TEK: variants seen among roughly 807,000 people sequenced by gnomAD.
TEK encodes TEK receptor tyrosine kinase.
In TEK, 43 loss-of-function variants were observed where a neutral mutation model predicts 131.8. That is an observed-to-expected ratio of 0.33 (90% CI 0.26 to 0.42). The LOEUF (loss-of-function observed/expected upper bound fraction) is 0.42, where lower values mean the gene tolerates loss of function less well. TEK is among the 10% of genes least tolerant of loss of function. The pLI is 1.00. For synonymous variants in TEK, 580 were observed against 491.6 expected (o/e 1.18, Z -2.38); for missense variants, 1,162 against 1,384.4 (o/e 0.84, Z 2.55).
chr9:27,121,864 A>G (rs987805011), intron 1 of TEK, among the ~76,000 whole-genome samples: 6 of 152,232 alleles, frequency 3.9e-5, no homozygotes, highest in African/African-American at 1.2e-4. Flanking sequence ...ATGTGTATCC[A>G]AAGAAATAAC....
chr9:27,158,874 C>A (rs536077094), intron 2 of TEK, among the ~76,000 whole-genome samples: 8 of 152,152 alleles, frequency 5.3e-5, no homozygotes, highest in African/African-American at 1.7e-4. Context: ...TTGGCCAGGA[C>A]GATCTTGATC....
At chr9:27,167,429 T>C (rs879541217) in intron 2 of TEK, among the ~76,000 whole-genome samples, 9 of 152,238 alleles carry the variant, frequency 5.9e-5, no homozygotes, top group East Asian at 1.9e-4. Context: ...GGTTTTGCCA[T>C]GTTGGCCAGG....
chr9:27,117,632 T>C (rs1821622120), intron 1 of TEK, among the ~76,000 whole-genome samples: 2 of 152,158 alleles, frequency 1.3e-5, no homozygotes, highest in Non-Finnish European at 2.9e-5. Context: ...TTAGAGGAAG[T>C]ACATACCCAT....
chr9:27,145,338 T>C (rs1321348417), intron 1 of TEK, among the ~76,000 whole-genome samples: 2 of 152,150 alleles, frequency 1.3e-5, no homozygotes, highest in African/African-American at 4.8e-5. Flanking sequence ...TTCCTGCCCA[T>C]GTGGGTTTGA....
chr9:27,126,930 C>T (rs552824417), intron 1 of TEK, among the ~76,000 whole-genome samples: 3 of 152,314 alleles, frequency 2.0e-5, no homozygotes, highest in Admixed American at 2.0e-4. Flanking sequence ...GATGCCAAAA[C>T]AACATAAAAC....
Position 27,229,294 on chromosome 9 carries a change from C to T in TEK, c.*62C>T, listed in dbSNP as rs1354547747. 2 of 1,513,130 alleles carry T rather than the reference C, an allele frequency of 1.3e-6. No homozygotes were observed. Among genetic ancestry groups the T allele is most frequent in the African/African-American group, 2.7e-5 (2 of 72,876 alleles). The allele number at this position is 1,513,130 out of a possible 1,614,324, so 93.7% of individuals were successfully genotyped here. A position where few individuals can be genotyped will look rare whatever the true frequency, so the allele number is the denominator to read the frequency against. ...TGGCATGGGAGACCCTTGACACCTG[C>T]TGAGAAAACATGCCTCTGCCAAAGG... is the stretch of plus-strand genomic sequence containing the variant. On this transcript the variant is annotated 3_prime_UTR_variant, in exon 23 of 23. Transcript: ENST00000380036.
chr9:27,110,724 G>C (rs1821307472), intron 1 of TEK, among the ~76,000 whole-genome samples: 1 of 152,098 alleles, frequency 6.6e-6, no homozygotes, highest in Admixed American at 6.5e-5. Flanking sequence ...TAACTGAGTT[G>C]AATACAGTTT....
intron 1 of TEK, among the ~76,000 whole-genome samples, chr9:27,122,150 G>T (rs1821818491): frequency 6.6e-6 from 1 of 152,168 alleles, no homozygotes; most frequent in South Asian, 2.1e-4. Flanking sequence ...AGCATCTACT[G>T]AACCCTTTTT....
At chr9:27,146,959 G>T (rs1276943287) in intron 1 of TEK, among the ~76,000 whole-genome samples, 1 of 152,060 alleles carries the variant, frequency 6.6e-6, no homozygotes, top group Admixed American at 6.5e-5. Flanking sequence ...TTGATCTCCT[G>T]ACCTTGTGAT....
At chr9:27,151,559 A>C (rs1678833979) in intron 1 of TEK, among the ~76,000 whole-genome samples, 1 of 152,318 alleles carries the variant, frequency 6.6e-6, no homozygotes, top group South Asian at 2.1e-4. Flanking sequence ...CTAAAAGTCC[A>C]CAAACCCTCC....
chr9:27,170,189 A>G (rs924877840), intron 4 of TEK, among the ~76,000 whole-genome samples: 11 of 152,316 alleles, frequency 7.2e-5, no homozygotes, highest in African/African-American at 2.6e-4. Flanking sequence ...CATGAGGGCA[A>G]CTGCCTCCAT....
intron 21 of TEK, among the ~76,000 whole-genome samples, chr9:27,225,837 T>C (rs978623470): frequency 1.3e-5 from 2 of 152,108 alleles, no homozygotes; most frequent in Admixed American, 6.5e-5. Flanking sequence ...CAATCTATCC[T>C]TCTGACAAAG....
chr9:27,132,253 A>G (rs994896262), intron 1 of TEK, among the ~76,000 whole-genome samples: 6 of 151,712 alleles, frequency 4.0e-5, no homozygotes, highest in African/African-American at 7.3e-5. Flanking sequence ...ACACCTGACT[A>G]ATGTTTGTAT....
In TEK at chr9:27,131,108, G is replaced by C. The variant is rs573870100; in HGVS notation, c.52+21466G>C. 2.0e-5 allele frequency among the ~76,000 whole-genome samples: 3 copies of C among 152,312 alleles called. No individual in the cohort carries two copies. In the East Asian group the frequency reaches 5.8e-4, roughly 29 times the overall value. On this transcript the variant is annotated intron_variant, in intron 1 of 22. Coordinates refer to ENST00000380036, the MANE Select transcript of TEK (RefSeq NM_000459.5). ...TGAAAAGGCTCAGTAATACATGGCT[G>C]AGGTTGGTGAAATGTTCACTCTCTT...
chr9:27,187,077 C>T (rs1824627476), intron 9 of TEK, among the ~76,000 whole-genome samples: 1 of 152,174 alleles, frequency 6.6e-6, no homozygotes, highest in Non-Finnish European at 1.5e-5. Flanking sequence ...TACTTTTAAG[C>T]TTCTGGGAAT....
intron 2 of TEK, among the ~76,000 whole-genome samples, chr9:27,167,695 A>G (rs929852973): frequency 3.3e-5 from 5 of 152,312 alleles, no homozygotes; most frequent in Admixed American, 1.3e-4. Flanking sequence ...TATTTACACC[A>G]TAAGTAGTAA....
intron 18 of TEK, among the ~76,000 whole-genome samples, chr9:27,215,391 C>T (rs948725393): frequency 6.6e-6 from 1 of 152,122 alleles, no homozygotes; most frequent in African/African-American, 2.4e-5. Context: ...TGGCAAGACA[C>T]TCCTAGAGAA....
intron 1 of TEK, among the ~76,000 whole-genome samples, chr9:27,137,608 C>A (rs67294931): frequency 0.52 from 78,263 of 151,638 alleles, 21,140 homozygotes; most frequent in African/African-American, 0.56. Flanking sequence ...TAATAAAAAT[C>A]ATTTTATATA....
chr9:27,110,523 C>T (rs375820476), intron 1 of TEK, among the ~76,000 whole-genome samples: 7 of 152,206 alleles, frequency 4.6e-5, no homozygotes, highest in East Asian at 1.9e-4. Flanking sequence ...CTCTCCCCTT[C>T]GGTTTGAAAA....
Sources: allele counts gnomAD v4.1 joint callset (sites outside exome capture counted in the v4.1 genomes callset), GRCh38; gene constraint gnomAD v4.1.1; transcripts MANE v1.5; gene names NCBI Gene and HGNC (gene_info 2026-07-23, HGNC 2026-07-21).